The following CADM2 variants were observed in gnomAD, a reference collection of about 807,000 sequenced individuals.
The protein encoded by CADM2 is cell adhesion molecule 2.
CADM2 carries 12 observed loss-of-function variants against 49.8 expected under a neutral mutation model. The observed-to-expected ratio is 0.24, with a 90% CI of 0.15 to 0.39. The LOEUF is 0.39. CADM2 is among the 10% of genes least tolerant of loss of function. The pLI, the probability that CADM2 is intolerant of heterozygous loss-of-function variation, is 1.00. For missense variants in CADM2, 378 were observed against 492.3 expected, an observed-to-expected ratio of 0.77 and a Z score of 2.20; for synonymous variants, 214 against 175.4, an observed-to-expected ratio of 1.22 and a Z score of -1.74.
intron 1 of CADM2, among the ~76,000 whole-genome samples, chr3:85,128,151 T>C (rs2107604438): frequency 6.6e-6 from 1 of 152,258 alleles, no homozygotes; most frequent in African/African-American, 2.4e-5. Context: ...AGATTAAAAA[T>C]CCATCCAAGT....
At chr3:86,042,993 A>T (rs6792934) in intron 8 of CADM2, among the ~76,000 whole-genome samples, 5,200 of 152,252 alleles carry the variant, frequency 0.034, 174 homozygotes, top group African/African-American at 0.083. Context: ...TGATTACCTC[A>T]ATAGATGCAG....
chr3:86,052,877 T>TAA (rs1334896750), intron 8 of CADM2, among the ~76,000 whole-genome samples: 14 of 152,260 alleles, frequency 9.2e-5, no homozygotes, highest in African/African-American at 3.1e-4. Flanking sequence ...TTTGGAAAAC[T>TAA]AAAGTGTATT....
intron 1 of CADM2, among the ~76,000 whole-genome samples, chr3:85,549,411 A>G (rs1029353464): frequency 3.5e-4 from 53 of 152,222 alleles, no homozygotes; most frequent in African/African-American, 1.2e-3. Flanking sequence ...GGTCTCATAT[A>G]TAAGAACAAT....
chr3:85,324,179 A>G (rs149757600), intron 1 of CADM2, among the ~76,000 whole-genome samples: 1,788 of 152,308 alleles, frequency 0.012, 18 homozygotes, highest in Admixed American at 0.017. Context: ...AAAAATATAT[A>G]CTTGTATAAA....
chr3:85,812,499 G>A (rs911709338), intron 3 of CADM2, among the ~76,000 whole-genome samples: 1 of 151,526 alleles, frequency 6.6e-6, no homozygotes, highest in Non-Finnish European at 1.5e-5. Context: ...ATCAGCACAG[G>A]CATCATGATA....
At chr3:85,664,468 T>G (rs1190880316) in intron 1 of CADM2, among the ~76,000 whole-genome samples, 1 of 151,962 alleles carries the variant, frequency 6.6e-6, no homozygotes, top group East Asian at 1.9e-4. Context: ...TACACCTCTT[T>G]CAATTACACC....
At chr3:85,917,403 G>T (rs1044733915) in intron 6 of CADM2, among the ~76,000 whole-genome samples, 2 of 149,176 alleles carry the variant, frequency 1.3e-5, no homozygotes, top group Admixed American at 6.8e-5. Context: ...CAGTTTTCCC[G>T]GCACCATTTA....
chr3:85,047,302 T>C (rs2035706151), intron 1 of CADM2, among the ~76,000 whole-genome samples: 1 of 152,110 alleles, frequency 6.6e-6, no homozygotes, highest in African/African-American at 2.4e-5. Context: ...ACCAGTTCTT[T>C]ATACTCAGAG....
intron 8 of CADM2, among the ~76,000 whole-genome samples, chr3:85,964,666 C>T (rs995944544): frequency 2.6e-5 from 4 of 151,630 alleles, no homozygotes; most frequent in Non-Finnish European, 5.9e-5. Context: ...GAAAGGCCTA[C>T]CCAGAGTCAC....
chr3:85,830,377 C>A (rs1553693819), intron 3 of CADM2, among the ~76,000 whole-genome samples: 2 of 151,814 alleles, frequency 1.3e-5, no homozygotes, highest in African/African-American at 2.4e-5. Context: ...TATTTGTTTT[C>A]TTTTTGCCAT....
intron 1 of CADM2, among the ~76,000 whole-genome samples, chr3:85,010,347 C>T (rs771350761): frequency 3.9e-5 from 6 of 152,050 alleles, no homozygotes; most frequent in East Asian, 1.9e-4. Context: ...TATTTGATAC[C>T]GTAATTAGAA....
At chr3:85,473,195 T>G (rs1318664013) in intron 1 of CADM2, among the ~76,000 whole-genome samples, 1 of 152,078 alleles carries the variant, frequency 6.6e-6, no homozygotes, top group Admixed American at 6.6e-5. Flanking sequence ...TAAAATGGAA[T>G]TCATTGAAAT....
intron 3 of CADM2, among the ~76,000 whole-genome samples, chr3:85,844,271 G>A (rs776907663): frequency 6.6e-6 from 1 of 151,976 alleles, no homozygotes; most frequent in South Asian, 2.1e-4. Flanking sequence ...GGTTGGGCTC[G>A]ATGGACTAAG....
At chr3:85,967,946 A>G (rs1725667337) in intron 8 of CADM2, among the ~76,000 whole-genome samples, 1 of 151,584 alleles carries the variant, frequency 6.6e-6, no homozygotes, top group Non-Finnish European at 1.5e-5. Context: ...CAGACCTACC[A>G]GTTGGTAAGT....
intron 1 of CADM2, among the ~76,000 whole-genome samples, chr3:85,205,338 A>G (rs575361976): frequency 6.6e-6 from 1 of 152,222 alleles, no homozygotes; most frequent in East Asian, 1.9e-4. Context: ...ACTATTTTAA[A>G]CATACTGTTT....
intron 1 of CADM2, among the ~76,000 whole-genome samples, chr3:85,298,358 A>AC (rs2106974248): frequency 6.6e-6 from 1 of 152,160 alleles, no homozygotes; most frequent in South Asian, 2.1e-4. Flanking sequence ...CCCACAGAGA[A>AC]CCCTTCTTCC....
chr3:85,408,548 A>AT (rs2035510093), intron 1 of CADM2, among the ~76,000 whole-genome samples: 1 of 152,152 alleles, frequency 6.6e-6, no homozygotes. Context: ...GATATGTTCT[A>AT]TTTTTTGCCA....
At chr3:85,442,042 A>G (rs895106146) in intron 1 of CADM2, among the ~76,000 whole-genome samples, 9 of 152,118 alleles carry the variant, frequency 5.9e-5, no homozygotes, top group African/African-American at 1.7e-4. Context: ...TAGCTTATGT[A>G]TACAAAACCA....
chr3:85,800,617 C>G (rs2071955474), intron 2 of CADM2, among the ~76,000 whole-genome samples: 1 of 152,148 alleles, frequency 6.6e-6, no homozygotes, highest in South Asian at 2.1e-4. Context: ...ATAGCACCAT[C>G]CCTTACAGCA....
Sources: gnomAD v4.1 joint callset for allele counts (sites outside exome capture counted in the v4.1 genomes callset) on GRCh38, gnomAD v4.1.1 for gene constraint, MANE v1.5 for transcripts, NCBI Gene and HGNC (gene_info 2026-07-23, HGNC 2026-07-21) for gene names.